Variants in HDAC9 observed in about 807,000 individuals in gnomAD.
HDAC9 encodes histone deacetylase 9.
A neutral mutation model predicts 139.4 loss-of-function variants in HDAC9; 41 were observed. The ratio of observed to expected loss-of-function variants is 0.29; its 90% CI spans 0.23 to 0.38. HDAC9 has a LOEUF of 0.38. Among genes scored for constraint, HDAC9 ranks in the 10% least tolerant of loss-of-function variants. The pLI is 1.00. For missense variants in HDAC9, 1,147 were observed against 1,297.0 expected, an observed-to-expected ratio of 0.88 and a Z score of 1.78; for synonymous variants, 517 against 476.2, an observed-to-expected ratio of 1.09 and a Z score of -1.12.
intron 1 of HDAC9, among the ~76,000 whole-genome samples, chr7:18,339,482 T>A (rs1781834165): frequency 6.6e-6 from 1 of 151,410 alleles, no homozygotes; most frequent in Admixed American, 6.6e-5. Context: ...TTTAAAATAT[T>A]TTTAAAAAAT....
At chr7:18,152,292 A>T (rs1786839614) in intron 1 of HDAC9, among the ~76,000 whole-genome samples, 1 of 152,202 alleles carries the variant, frequency 6.6e-6, no homozygotes, top group South Asian at 2.1e-4. Context: ...GCAACTTACC[A>T]GTGAGGAAAC....
intron 11 of HDAC9, among the ~76,000 whole-genome samples, chr7:18,656,145 C>G (rs1433014915): frequency 1.3e-5 from 2 of 149,494 alleles, no homozygotes; most frequent in Non-Finnish European, 3.0e-5. Context: ...CTTATGAAAT[C>G]TGAGGAACTA....
chr7:18,820,994 G>A (rs1018866484), intron 17 of HDAC9, among the ~76,000 whole-genome samples: 1 of 152,176 alleles, frequency 6.6e-6, no homozygotes, highest in Non-Finnish European at 1.5e-5. Context: ...TGGAGGCTGG[G>A]ATCAAGTCCA....
At chr7:18,770,476 C>T (rs1790192860) in intron 16 of HDAC9, among the ~76,000 whole-genome samples, 1 of 152,124 alleles carries the variant, frequency 6.6e-6, no homozygotes, top group Admixed American at 6.6e-5. Flanking sequence ...ATCTGACCTG[C>T]TGCTGTGTGA....
At chr7:18,144,720 T>C (rs1263888834) in intron 1 of HDAC9, among the ~76,000 whole-genome samples, 3 of 152,196 alleles carry the variant, frequency 2.0e-5, no homozygotes, top group Non-Finnish European at 4.4e-5. Flanking sequence ...CATCTCTTCC[T>C]TAGCCTCACT....
chr7:18,662,224 C>T (rs1793395686), intron 11 of HDAC9, among the ~76,000 whole-genome samples: 2 of 152,028 alleles, frequency 1.3e-5, no homozygotes, highest in African/African-American at 2.4e-5. Flanking sequence ...TTTGCTGCCA[C>T]CTATTAATAT....
At chr7:18,755,715 TAG>T (rs1233614477) in intron 14 of HDAC9, among the ~76,000 whole-genome samples, 1 of 152,040 alleles carries the variant, frequency 6.6e-6, no homozygotes, top group Non-Finnish European at 1.5e-5. Flanking sequence ...CTTAAAAAAA[TAG>T]AGAGTATATA....
At chr7:18,691,787 T>C (rs1439228633) in intron 12 of HDAC9, among the ~76,000 whole-genome samples, 1 of 152,034 alleles carries the variant, frequency 6.6e-6, no homozygotes, top group African/African-American at 2.4e-5. Context: ...CAAGCTAACA[T>C]AGACTGCAGT....
chr7:18,215,321 C>T (rs943157878), intron 2 of HDAC9, among the ~76,000 whole-genome samples: 1 of 152,078 alleles, frequency 6.6e-6, no homozygotes, highest in African/African-American at 2.4e-5. Flanking sequence ...AAGTCCCGGT[C>T]CTTTCTTTAT....
At chr7:18,761,956 G>T (rs1006981203) in intron 14 of HDAC9, among the ~76,000 whole-genome samples, 2 of 152,076 alleles carry the variant, frequency 1.3e-5, no homozygotes, top group African/African-American at 4.8e-5. Context: ...GCCCATTTAG[G>T]TATAAGCAAT....
At chr7:18,374,218 T>TATAC (rs1554396235) in intron 1 of HDAC9, among the ~76,000 whole-genome samples, 2 of 145,222 alleles carry the variant, frequency 1.4e-5, no homozygotes, top group African/African-American at 5.3e-5. Flanking sequence ...TATATATATA[T>TATAC]ACACACACAC....
intron 1 of HDAC9, among the ~76,000 whole-genome samples, chr7:18,490,011 A>G (rs1462770070): frequency 6.6e-6 from 1 of 151,924 alleles, no homozygotes; most frequent in Non-Finnish European, 1.5e-5. Context: ...AGTCTTTCAT[A>G]CTCCGAATAT....
At chr7:18,616,444 G>C (rs1028991157) in intron 6 of HDAC9, among the ~76,000 whole-genome samples, 3 of 152,134 alleles carry the variant, frequency 2.0e-5, no homozygotes, top group African/African-American at 4.8e-5. Flanking sequence ...TTTAACTGAT[G>C]ATCTGTCTAG....
chr7:18,828,885 A>T (rs889882774), intron 17 of HDAC9, among the ~76,000 whole-genome samples: 1 of 152,220 alleles, frequency 6.6e-6, no homozygotes, highest in Non-Finnish European at 1.5e-5. Context: ...AACAGCTGAC[A>T]TGCATGTTTG....
intron 21 of HDAC9, 48 bp downstream of exon 21, chr7:18,836,045 C>T: frequency 2.0e-6 from 2 of 1,020,360 alleles, no homozygotes; most frequent in South Asian, 1.5e-5. Flanking sequence ...AAATAAATGT[C>T]CATTGAAATA....
intron 8 of HDAC9, among the ~76,000 whole-genome samples, chr7:18,637,457 C>G (rs1289979253): frequency 6.6e-6 from 1 of 151,998 alleles, no homozygotes; most frequent in Non-Finnish European, 1.5e-5. Flanking sequence ...AGCTTTTCAG[C>G]TAATTGTTGA....
At chr7:18,906,867 A>G (rs1428016661) in intron 22 of HDAC9, 3 of 152,258 alleles carry the variant, frequency 2.0e-5, no homozygotes, top group African/African-American at 7.2e-5. Context: ...TGATATGGCC[A>G]TGAGTACACT....
chr7:18,237,553 A>G (rs115472691), intron 2 of HDAC9, among the ~76,000 whole-genome samples: 20 of 152,296 alleles, frequency 1.3e-4, no homozygotes, highest in African/African-American at 4.6e-4. Context: ...GGGAGAACAC[A>G]TGTTAGTCTA....
chr7:18,915,742 C>T (rs898892663), intron 22 of HDAC9, among the ~76,000 whole-genome samples: 4 of 151,476 alleles, frequency 2.6e-5, no homozygotes, highest in East Asian at 3.9e-4. Flanking sequence ...GAAATTAAAA[C>T]GAAATAAATA....
Sources: allele counts gnomAD v4.1 joint callset (sites outside exome capture counted in the v4.1 genomes callset), GRCh38; gene constraint gnomAD v4.1.1; transcripts MANE v1.5; gene names NCBI Gene and HGNC (gene_info 2026-07-23, HGNC 2026-07-21).